The following LRBA variants were observed in gnomAD, a reference collection of about 807,000 sequenced individuals.
The protein encoded by LRBA is LPS responsive beige-like anchor protein.
Under a neutral mutation model 330.0 loss-of-function variants are expected in LRBA, and 176 were observed. That is an observed-to-expected ratio of 0.53 (90% CI 0.47 to 0.60). The LOEUF (loss-of-function observed/expected upper bound fraction) is 0.60. LRBA is among the 20% of genes least tolerant of loss of function. The pLI is 0.00. For missense variants in LRBA, 3,259 were observed against 3,444.8 expected, an observed-to-expected ratio of 0.95 and a Z score of 1.35; for synonymous variants, 1,230 against 1,193.0, an observed-to-expected ratio of 1.03 and a Z score of -0.64.
At chr4:150,562,101 T>TTTATG (rs143894102) in intron 40 of LRBA, among the ~76,000 whole-genome samples, 80,270 of 151,490 alleles carry the variant, frequency 0.53, 21,274 homozygotes, top group East Asian at 0.61. Flanking sequence ...CTTCAATTAT[T>TTTATG]TTATATTTGC....
chr4:150,347,890 T>G (rs1307210568), intron 48 of LRBA, among the ~76,000 whole-genome samples: 1 of 152,078 alleles, frequency 6.6e-6, no homozygotes, highest in Non-Finnish European at 1.5e-5. Context: ...GAACTCAGAG[T>G]AAGAAAAGAT....
Position 150,928,834 on chromosome 4 carries a change from C to T in LRBA, c.448G>A (p.Asp150Asn). 6.2e-7 allele frequency: 1 copy of T among 1,609,004 alleles called. No homozygotes were observed. The highest frequency in any genetic ancestry group is 8.5e-7 in the Non-Finnish European group (1 of 1,175,926). ...KIEKVDNMIA[D>N]LLVDMLGVLA... Reference sequence around the variant, plus strand: ...TATTGTACTATAGAAAAAATCATACCTGCTATCATATTGTCAACTTTTTCA... The same window carrying T: ...TATTGTACTATAGAAAAAATCATACTTGCTATCATATTGTCAACTTTTTCA... Residue 150 changes from aspartate (D) to asparagine (N), a missense_variant and splice_region_variant, in exon 3 of 57, where the codon GAT becomes AAT. Physicochemically the swap from Asp to Asn is conservative, Grantham distance 23 (BLOSUM62 1). Coordinates refer to ENST00000651943, the MANE Select transcript of LRBA (RefSeq NM_001364905.1).
chr4:150,791,102 A>T (rs1357021322), intron 34 of LRBA, among the ~76,000 whole-genome samples: 1 of 152,178 alleles, frequency 6.6e-6, no homozygotes, highest in Non-Finnish European at 1.5e-5. Context: ...CTTATTTAAC[A>T]CTGTATATTC....
chr4:150,613,272 T>G (rs1393392604), intron 37 of LRBA, among the ~76,000 whole-genome samples: 1 of 152,096 alleles, frequency 6.6e-6, no homozygotes, highest in Non-Finnish European at 1.5e-5. Context: ...AACAGATATA[T>G]GAAGAGATAA....
chr4:150,362,880 T>C (rs1425118468), intron 47 of LRBA, among the ~76,000 whole-genome samples: 1 of 152,106 alleles, frequency 6.6e-6, no homozygotes, highest in Admixed American at 6.6e-5. Context: ...GGTAGGTGGA[T>C]CACTTGAACC....
At chr4:150,295,674 G>A (rs905397950) in intron 53 of LRBA, among the ~76,000 whole-genome samples, 2 of 152,162 alleles carry the variant, frequency 1.3e-5, no homozygotes, top group East Asian at 1.9e-4. Flanking sequence ...ATGCATAAAT[G>A]TACATAGAAT....
intron 37 of LRBA, among the ~76,000 whole-genome samples, chr4:150,640,956 AT>A (rs1392563370): frequency 6.6e-6 from 1 of 152,158 alleles, no homozygotes; most frequent in African/African-American, 2.4e-5. Context: ...CACATATTAT[AT>A]GTCTAAACCA....
chr4:150,579,834 C>A, intron 40 of LRBA: 1 of 410,482 alleles, frequency 2.4e-6, no homozygotes, highest in Admixed American at 2.6e-5. Context: ...TCGGGAGCGT[C>A]GCGGGCCGGG....
At chr4:150,501,396 G>T (rs1415313716) in intron 40 of LRBA, among the ~76,000 whole-genome samples, 2 of 152,122 alleles carry the variant, frequency 1.3e-5, no homozygotes, top group Non-Finnish European at 2.9e-5. Flanking sequence ...AGAATCACTT[G>T]AGCTCAGGAG....
At chr4:150,352,531 A>C (rs1475317987) in intron 47 of LRBA, among the ~76,000 whole-genome samples, 3 of 152,218 alleles carry the variant, frequency 2.0e-5, no homozygotes, top group Non-Finnish European at 4.4e-5. Flanking sequence ...TGTTTTAGAC[A>C]TCTCTTCTAA....
rs956412775 is a variant in LRBA at position 150,393,533 on chromosome 4, A to G, written c.7194+21905T>C. On this transcript the variant is annotated intron_variant, in intron 47 of 56. Transcript: ENST00000651943. ...CAGGGTCTCCCTCTGTTGCCATGCT[A>G]TAGTGCAGTGGTATGATCCTAGCAC... 3.4e-5 allele frequency among the ~76,000 whole-genome samples: 5 copies of G among 145,974 alleles called. No individual in the cohort carries two copies. In the South Asian group the frequency reaches 1.1e-3, roughly 31 times the overall value.
chr4:150,291,846 G>A (rs1728339024), intron 53 of LRBA, among the ~76,000 whole-genome samples: 1 of 151,866 alleles, frequency 6.6e-6, no homozygotes, highest in South Asian at 2.1e-4. Context: ...ACGATAGACT[G>A]GATTAAGAAA....
chr4:150,826,226 G>A (rs1429511672), intron 30 of LRBA, among the ~76,000 whole-genome samples: 1 of 152,130 alleles, frequency 6.6e-6, no homozygotes, highest in Non-Finnish European at 1.5e-5. Context: ...CAACCAAGAG[G>A]CAACAGATGA....
chr4:150,653,076 C>T (rs534848545), intron 37 of LRBA, among the ~76,000 whole-genome samples: 6 of 152,204 alleles, frequency 3.9e-5, no homozygotes, highest in African/African-American at 1.4e-4. Context: ...GGCATGGTGG[C>T]TCACAGCTGT....
chr4:150,360,155 T>TA (rs1438736128), intron 47 of LRBA, among the ~76,000 whole-genome samples: 62 of 152,004 alleles, frequency 4.1e-4, no homozygotes, highest in African/African-American at 1.4e-3. Flanking sequence ...TTTTAATTTA[T>TA]AAAAAATTTT....
chr4:150,423,785 T>G (rs1400101977), intron 46 of LRBA: 1 of 161,374 alleles, frequency 6.2e-6, no homozygotes, highest in Non-Finnish European at 1.3e-5. Context: ...GTAGGTTAGT[T>G]CTTACTCTTT....
At chr4:150,333,535 T>C (rs963832206) in intron 48 of LRBA, among the ~76,000 whole-genome samples, 1 of 152,182 alleles carries the variant, frequency 6.6e-6, no homozygotes, top group Non-Finnish European at 1.5e-5. Flanking sequence ...CCAACAAGAC[T>C]TCATAGATTA....
In LRBA at chr4:150,902,589, T is replaced by C. The variant is rs1231225224; in HGVS notation, c.1756-2372A>G. Among the ~76,000 whole-genome samples, 6 of 152,320 alleles carry C rather than the reference T, an allele frequency of 3.9e-5. No individual in the cohort carries two copies. In the East Asian group the frequency reaches 1.2e-3, roughly 29 times the overall value. On this transcript the variant is annotated intron_variant, in intron 13 of 56. Transcript: ENST00000651943. ...CATAGGGCATACACCAAGCAACCAA[T>C]GGAAACCTCTAAAGGTTATTTAAAC...
chr4:150,591,983 C>A (rs182205537), intron 38 of LRBA, among the ~76,000 whole-genome samples: 1 of 152,110 alleles, frequency 6.6e-6, no homozygotes, highest in Admixed American at 6.5e-5. Flanking sequence ...TGTAAAACTT[C>A]ATATGTGTAT....
Sources: gnomAD v4.1 joint callset for allele counts (sites outside exome capture counted in the v4.1 genomes callset) on GRCh38, gnomAD v4.1.1 for gene constraint, MANE v1.5 for transcripts, NCBI Gene and HGNC (gene_info 2026-07-23, HGNC 2026-07-21) for gene names.